LAMA3: variants seen among roughly 807,000 people sequenced by gnomAD.
The protein encoded by LAMA3 is laminin subunit alpha 3, also known as laminin subunit alpha-3.
Under a neutral mutation model 402.0 loss-of-function variants are expected in LAMA3, and 281 were observed. The ratio of observed to expected loss-of-function variants is 0.70; its 90% CI spans 0.63 to 0.77. The LOEUF (loss-of-function observed/expected upper bound fraction) is 0.77, where lower values mean the gene tolerates loss of function less well. LAMA3 is among the 30% of genes least tolerant of loss of function. The pLI is 0.00. For synonymous variants in LAMA3, 1,431 were observed against 1,558.4 expected, an observed-to-expected ratio of 0.92 and a Z score of 1.93; for missense variants, 3,840 against 4,215.5, an observed-to-expected ratio of 0.91 and a Z score of 2.47.
chr18:23,757,681 G>C (rs769339752), intron 6 of LAMA3, among the ~76,000 whole-genome samples: 35 of 152,350 alleles, frequency 2.3e-4, no homozygotes, highest in South Asian at 8.3e-4. Flanking sequence ...ATCACACCAG[G>C]GCTGGACAAT....
intron 44 of LAMA3, among the ~76,000 whole-genome samples, chr18:23,896,706 C>G (rs1446022777): frequency 6.6e-6 from 1 of 152,138 alleles, no homozygotes; most frequent in Non-Finnish European, 1.5e-5. Flanking sequence ...ACATGAGAGC[C>G]TAGCAAAGCT....
rs754365856 is a variant in LAMA3 at position 23,904,105 on chromosome 18, G to A, written c.6473+18G>A. 2.5e-6 allele frequency: 4 copies of A among 1,613,016 alleles called. No homozygotes were observed. Among genetic ancestry groups the A allele is most frequent in the African/African-American group, 1.3e-5 (1 of 75,020 alleles). On this transcript the variant is annotated intron_variant, in intron 50 of 74. Transcript: ENST00000313654. Reference sequence around the variant, plus strand: ...CTGGAAGAGTGAGTGCATGGCCCAGGAGACCAGAAGGGCACGTGGGCTGAG... The same window carrying A: ...CTGGAAGAGTGAGTGCATGGCCCAGAAGACCAGAAGGGCACGTGGGCTGAG...
intron 12 of LAMA3, among the ~76,000 whole-genome samples, chr18:23,807,780 C>T (rs755214230): frequency 6.6e-6 from 1 of 152,272 alleles, no homozygotes; most frequent in South Asian, 2.1e-4. Flanking sequence ...AAATGTTACT[C>T]TCATCTAAAA....
chr18:23,907,628 T>G lies in LAMA3; in HGVS notation c.6797T>G (p.Leu2266Arg). ...TVQKEVIDTNLTTLRDGLHGI... is the reference protein window; with the variant it reads ...TVQKEVIDTNRTTLRDGLHGI... Reference sequence around the variant, plus strand: ...CAGAAAGAAGTGATAGACACCAATCTCACAACTCTCCGAGATGGTCTTCAT... The same window carrying G: ...CAGAAAGAAGTGATAGACACCAATCGCACAACTCTCCGAGATGGTCTTCAT... The change falls in exon 53 of 75, where the codon CTC (leucine) becomes CGC (arginine). Residue 2266 changes from leucine (L) to arginine (R), a missense_variant. Transcript: ENST00000313654. The G allele has an allele frequency of 6.2e-7, 1 of 1,613,908 alleles. No individual in the cohort carries two copies. Among genetic ancestry groups the G allele is most frequent in the South Asian group, 1.1e-5 (1 of 91,082 alleles).
At chr18:23,923,530 C>T (rs28433056) in intron 62 of LAMA3, among the ~76,000 whole-genome samples, 38,320 of 152,088 alleles carry the variant, frequency 0.25, 7,313 homozygotes, top group East Asian at 0.66. Context: ...AAGCCCTTGG[C>T]AGATGGAACA....
At chr18:23,753,868 C>A in intron 6 of LAMA3, 56 bp downstream of exon 6, 1 of 1,158,450 alleles carries the variant, frequency 8.6e-7, no homozygotes, top group Non-Finnish European at 1.3e-6. Flanking sequence ...CTAATTATTT[C>A]AGTGGATGTT....
At chr18:23,887,004 A>G (rs1008354126) in intron 41 of LAMA3, among the ~76,000 whole-genome samples, 1 of 152,238 alleles carries the variant, frequency 6.6e-6, no homozygotes, top group East Asian at 1.9e-4. Context: ...AAAGATGGTA[A>G]TGGAAGGTTC....
chr18:23,819,702 G>T, intron 18 of LAMA3, 139 bp from the exon 19 acceptor site: 2 of 774,056 alleles, frequency 2.6e-6, no homozygotes, highest in Non-Finnish European at 4.5e-6. Context: ...AAGAGCAGAA[G>T]ATCTTTCTCA....
intron 29 of LAMA3, among the ~76,000 whole-genome samples, chr18:23,844,780 C>G (rs558624989): frequency 1.3e-5 from 2 of 152,174 alleles, no homozygotes; most frequent in Non-Finnish European, 2.9e-5. Context: ...TTGCATAATA[C>G]TTACAGATTG....
intron 32 of LAMA3, among the ~76,000 whole-genome samples, chr18:23,854,723 G>T (rs959005250): frequency 6.6e-6 from 1 of 151,550 alleles, no homozygotes; most frequent in Non-Finnish European, 1.5e-5. Context: ...GGTGGCTTAC[G>T]CCTGTAATCC....
chr18:23,946,552 C>T, intron 70 of LAMA3: 1 of 470,648 alleles, frequency 2.1e-6, no homozygotes, highest in Non-Finnish European at 3.8e-6. Context: ...AATCTATTGG[C>T]TTCTCCTCCA....
chr18:23,886,641 T>A (rs1299055484), intron 41 of LAMA3, among the ~76,000 whole-genome samples: 1 of 151,976 alleles, frequency 6.6e-6, no homozygotes, highest in African/African-American at 2.4e-5. Flanking sequence ...AAAAAGCCAA[T>A]TTGATAGAGA....
intron 36 of LAMA3, 22 bp downstream of exon 36, chr18:23,864,905 A>G (rs1258720013): frequency 2.9e-6 from 4 of 1,382,988 alleles, no homozygotes; most frequent in Non-Finnish European, 4.1e-6. Flanking sequence ...AGCATGACCT[A>G]AGTGGCAGGA....
intron 2 of LAMA3, among the ~76,000 whole-genome samples, chr18:23,720,994 A>G (rs1026008315): frequency 6.6e-6 from 1 of 151,848 alleles, no homozygotes; most frequent in Non-Finnish European, 1.5e-5. Flanking sequence ...CCCTCTCTAT[A>G]AAAAAATAAA....
rs148470606 is a variant in LAMA3, at chr18:23,833,941, C to T, written c.2937C>T (p.Ser979=). ...LFVVDVNVKS[S]GSVLAGQVNI... is the part of the protein sequence containing the mutation. ...TGGTTGATGTGAATGTGAAGAGCTC[C>T]GGGTCTGTTCTGGCAGGCCAGGTGA... The change falls in exon 24 of 75, where the codon TCC becomes TCT. Residue 979 remains serine, a synonymous_variant. Coordinates refer to ENST00000313654, the MANE Select transcript of LAMA3 (RefSeq NM_198129.4). 151 of 1,614,164 alleles carry T rather than the reference C, an allele frequency of 9.4e-5. No homozygotes were observed. Among genetic ancestry groups the T allele is most frequent in the African/African-American group, 1.7e-4 (13 of 75,026 alleles).
intron 8 of LAMA3, among the ~76,000 whole-genome samples, chr18:23,773,059 GTA>G (rs1243254963): frequency 4.6e-5 from 7 of 152,220 alleles, no homozygotes; most frequent in Admixed American, 1.3e-4. Flanking sequence ...ACAAGGATCT[GTA>G]TATGTTATTC....
rs759724857 is a variant in LAMA3, at chr18:23,833,927, A to C, written c.2923A>C (p.Asn975His). Residue 975 changes from asparagine to histidine, a missense_variant, in exon 24 of 75, where the codon AAT becomes CAT. Physicochemically the swap from Asn to His is moderately conservative, Grantham distance 68. Around this residue, in one of 3 missense-constraint regions of LAMA3, gnomAD observed 2,109 missense variants for 2,376.0 expected, o/e 0.89. Coordinates refer to ENST00000313654, the MANE Select transcript of LAMA3 (RefSeq NM_198129.4). ...EAAQLFVVDV[N>H]VKSSGSVLAG... is the part of the protein sequence containing the mutation. ...AGCTCAGCTGTTTGTGGTTGATGTG[A>C]ATGTGAAGAGCTCCGGGTCTGTTCT... The C allele has an allele frequency of 1.9e-6, 3 of 1,614,202 alleles. No individual in the cohort carries two copies. The South Asian group carries it at 3.3e-5, about 18-fold the overall frequency.
chr18:23,874,443 A>G (rs1435360740), intron 38 of LAMA3, among the ~76,000 whole-genome samples: 3 of 152,262 alleles, frequency 2.0e-5, no homozygotes, highest in Non-Finnish European at 4.4e-5. Flanking sequence ...AACATAATCT[A>G]TTTATTTGCA....
intron 20 of LAMA3, 26 bp from the exon 21 acceptor site, chr18:23,824,397 T>C (rs1181435177): frequency 1.2e-6 from 2 of 1,613,330 alleles, no homozygotes; most frequent in Non-Finnish European, 1.7e-6. Context: ...AAAAATGCCT[T>C]AAGCAGTTCT....
Sources: allele counts gnomAD v4.1 joint callset (sites outside exome capture counted in the v4.1 genomes callset), GRCh38; gene constraint gnomAD v4.1.1; regional missense constraint gnomAD v4.1.1; transcripts MANE v1.5; gene names NCBI Gene and HGNC (gene_info 2026-07-23, HGNC 2026-07-21).